Variants in WWOX observed in about 807,000 individuals in gnomAD.
WWOX encodes the protein WW domain-containing oxidoreductase.
In WWOX, 69 loss-of-function variants were observed where a neutral mutation model predicts 46.2. That is an observed-to-expected ratio of 1.49 (90% CI 1.23 to 1.82). The LOEUF (loss-of-function observed/expected upper bound fraction) is 1.82. WWOX is among the 40% of genes most tolerant of loss of function. WWOX has a pLI of 0.00. For synonymous variants in WWOX, 359 were observed against 202.6 expected (o/e 1.77, Z -6.56); for missense variants, 919 against 542.6 (o/e 1.69, Z -6.89).
At chr16:78,724,263 A>C (rs2048771106) in intron 8 of WWOX, among the ~76,000 whole-genome samples, 1 of 152,196 alleles carries the variant, frequency 6.6e-6, no homozygotes, top group Non-Finnish European at 1.5e-5. Flanking sequence ...ACCAGCAATG[A>C]AAAAAGCCCC....
chr16:79,095,854 C>T (rs1279519597), intron 8 of WWOX, among the ~76,000 whole-genome samples: 1 of 142,750 alleles, frequency 7.0e-6, no homozygotes, highest in African/African-American at 2.8e-5. Flanking sequence ...TCAATTCTCT[C>T]TCTCTCTTTT....
At chr16:78,859,027 A>T (rs12596489) in intron 8 of WWOX, among the ~76,000 whole-genome samples, 2,104 of 20,654 alleles carry the variant, frequency 0.1, 41 homozygotes, top group East Asian at 0.13. Flanking sequence ...AAAAAAAAAA[A>T]ATATATATAT....
chr16:78,188,272 G>A (rs1038498135), intron 5 of WWOX, among the ~76,000 whole-genome samples: 4 of 151,996 alleles, frequency 2.6e-5, no homozygotes, highest in Non-Finnish European at 5.9e-5. Context: ...GGCAGATCAC[G>A]AGGTCAGGAG....
chr16:79,112,078 C>T (rs1351147674), intron 8 of WWOX, among the ~76,000 whole-genome samples: 1 of 152,188 alleles, frequency 6.6e-6, no homozygotes, highest in South Asian at 2.1e-4. Flanking sequence ...GGGCTGGACA[C>T]AGAACAGGCT....
At chr16:78,548,078 C>T (rs1263419598) in intron 8 of WWOX, among the ~76,000 whole-genome samples, 1 of 150,750 alleles carries the variant, frequency 6.6e-6, no homozygotes, top group African/African-American at 2.5e-5. Flanking sequence ...TCACTTGAAC[C>T]CAGGAGGTGG....
intron 8 of WWOX, among the ~76,000 whole-genome samples, chr16:78,702,120 A>C (rs191260971): frequency 7.7e-6 from 1 of 130,040 alleles, no homozygotes; most frequent in Admixed American, 7.8e-5. Context: ...ATATATATAT[A>C]TATTTATTTA....
intron 8 of WWOX, among the ~76,000 whole-genome samples, chr16:78,498,204 C>CAAAA (rs530261157): frequency 7.2e-4 from 14 of 19,548 alleles, no homozygotes; most frequent in South Asian, 4.0e-3. Context: ...GACTCCATCT[C>CAAAA]AAAAAAAAAA....
chr16:78,398,500 G>T (rs1024915892), intron 6 of WWOX, among the ~76,000 whole-genome samples: 5 of 152,168 alleles, frequency 3.3e-5, no homozygotes, highest in Non-Finnish European at 5.9e-5. Context: ...CCTCTACAGA[G>T]CCTCCCTTCT....
At chr16:78,223,781 A>T (rs2036964978) in intron 5 of WWOX, among the ~76,000 whole-genome samples, 1 of 152,302 alleles carries the variant, frequency 6.6e-6, no homozygotes, top group African/African-American at 2.4e-5. Context: ...AATGATTTTC[A>T]CATGGCTGGC....
chr16:78,355,550 C>A (rs866071583), intron 5 of WWOX: 19 of 420,042 alleles, frequency 4.5e-5, no homozygotes, highest in Non-Finnish European at 8.0e-5. Flanking sequence ...CGTAGACCAG[C>A]AGCAAACTAC....
chr16:78,429,095 A>G (rs74030225), intron 7 of WWOX, among the ~76,000 whole-genome samples: 1,770 of 152,316 alleles, frequency 0.012, 28 homozygotes, highest in African/African-American at 0.04. Context: ...AGTCCTTACT[A>G]TGTGTCAGGC....
intron 4 of WWOX, among the ~76,000 whole-genome samples, chr16:78,151,289 G>T (rs7194191): frequency 0.63 from 96,098 of 151,868 alleles, 30,488 homozygotes; most frequent in East Asian, 0.75. Context: ...TTGTGGTAGT[G>T]TGGGGGGCCT....
intron 8 of WWOX, among the ~76,000 whole-genome samples, chr16:78,452,857 A>G (rs1465451360): frequency 6.6e-6 from 1 of 150,434 alleles, no homozygotes; most frequent in Non-Finnish European, 1.5e-5. Context: ...ATTGTTTTCC[A>G]GTGAGCTATT....
intron 8 of WWOX, among the ~76,000 whole-genome samples, chr16:78,894,715 G>T (rs1263598142): frequency 6.6e-6 from 1 of 152,156 alleles, no homozygotes; most frequent in Non-Finnish European, 1.5e-5. Context: ...TAGCATGGAA[G>T]GCCACGTTGC....
chr16:78,832,114 A>G (rs2051843745), intron 8 of WWOX, among the ~76,000 whole-genome samples: 1 of 152,140 alleles, frequency 6.6e-6, no homozygotes, highest in Admixed American at 6.5e-5. Context: ...GGGTGATTCT[A>G]GCTCAGGGTC....
chr16:79,071,581 C>G (rs757004098), intron 8 of WWOX, among the ~76,000 whole-genome samples: 1 of 152,234 alleles, frequency 6.6e-6, no homozygotes, highest in Non-Finnish European at 1.5e-5. Context: ...GCTTCACTGG[C>G]TCTCTGCCAG....
At chr16:78,958,253 G>C (rs905783411) in intron 8 of WWOX, among the ~76,000 whole-genome samples, 1 of 152,072 alleles carries the variant, frequency 6.6e-6, no homozygotes, top group African/African-American at 2.4e-5. Flanking sequence ...TATTGAAATG[G>C]TCCTTTTAAT....
chr16:78,917,075 C>G (rs1049046207), intron 8 of WWOX, among the ~76,000 whole-genome samples: 1 of 152,170 alleles, frequency 6.6e-6, no homozygotes, highest in Non-Finnish European at 1.5e-5. Context: ...TTTCCAGATT[C>G]AATATAGTAG....
intron 8 of WWOX, among the ~76,000 whole-genome samples, chr16:78,702,806 G>T (rs148746316): frequency 2.4e-4 from 37 of 152,306 alleles, no homozygotes; most frequent in African/African-American, 8.7e-4. Context: ...GAAGCTCTGT[G>T]TGCTGCGGGT....
Sources: gnomAD v4.1 joint callset for allele counts (sites outside exome capture counted in the v4.1 genomes callset) on GRCh38, gnomAD v4.1.1 for gene constraint, MANE v1.5 for transcripts, NCBI Gene and HGNC (gene_info 2026-07-23, HGNC 2026-07-21) for gene names.